SAMSN1: variants seen among roughly 807,000 people sequenced by gnomAD.
SAMSN1 encodes the protein SAM domain-containing protein SAMSN-1.
SAMSN1 carries 31 observed loss-of-function variants against 42.0 expected under a neutral mutation model. That is an observed-to-expected ratio of 0.74 (90% CI 0.55 to 1.00). The LOEUF (loss-of-function observed/expected upper bound fraction) is 1.00. Among genes scored for constraint, SAMSN1 ranks in the 50% least tolerant of loss-of-function variants. The pLI, the probability that SAMSN1 is intolerant of heterozygous loss-of-function variation, is 0.00. For synonymous variants in SAMSN1, 178 were observed against 151.9 expected, an observed-to-expected ratio of 1.17 and a Z score of -1.26; for missense variants, 464 against 439.4, an observed-to-expected ratio of 1.06 and a Z score of -0.50.
intron 2 of SAMSN1, among the ~76,000 whole-genome samples, chr21:14,556,665 T>C (rs767277462): frequency 3.9e-5 from 6 of 152,160 alleles, no homozygotes; most frequent in Admixed American, 6.6e-5. Flanking sequence ...GGTTTATACA[T>C]GAAGTGCAAA....
At chr21:14,523,398 T>C (rs1978624030) in intron 1 of SAMSN1, 1 of 152,224 alleles carries the variant, frequency 6.6e-6, no homozygotes, top group South Asian at 2.1e-4. Context: ...CTTCAGCCTG[T>C]GGTGAGAGGA....
chr21:14,507,027 A>G (rs752199978), intron 5 of SAMSN1, among the ~76,000 whole-genome samples: 5 of 152,198 alleles, frequency 3.3e-5, no homozygotes, highest in Non-Finnish European at 7.4e-5. Flanking sequence ...AAATAGGCAT[A>G]CAAGCGACAT....
upstream of SAMSN1, among the ~76,000 whole-genome samples, chr21:14,583,928 A>G (rs1173054231): frequency 6.6e-6 from 1 of 152,190 alleles, no homozygotes; most frequent in African/African-American, 2.4e-5. Context: ...AAAGCACACC[A>G]TACTTTTTGG....
rs112849246 is a variant in SAMSN1, at chr21:14,515,198, C to T, written c.279+1694G>A. On this transcript the variant is annotated intron_variant, in intron 3 of 7. Coordinates refer to ENST00000400566, the MANE Select transcript of SAMSN1 (RefSeq NM_022136.5). ...GCAACACAGAGGTCACTACTGACGG[C>T]GACAGCTATTTTAATGGAGTACTGG... Among the ~76,000 whole-genome samples the T allele has an allele frequency of 6.7e-3, 1,021 of 152,090 alleles. 5 individuals are homozygous for T. The highest frequency in any genetic ancestry group is 0.023 in the African/African-American group (962 of 41,458).
At chr21:14,491,186 A>C (rs1469059404) in intron 7 of SAMSN1, among the ~76,000 whole-genome samples, 2 of 152,196 alleles carry the variant, frequency 1.3e-5, no homozygotes. Context: ...ATTACCCCAA[A>C]ATATGCTGCT....
At chr21:14,586,421 G>A (rs1358960512), upstream of SAMSN1, among the ~76,000 whole-genome samples, 1 of 151,882 alleles carries the variant, frequency 6.6e-6, no homozygotes, top group Non-Finnish European at 1.5e-5. Flanking sequence ...AATTTTAAAT[G>A]TGTTCTAAGA....
intron 5 of SAMSN1, among the ~76,000 whole-genome samples, chr21:14,603,054 T>C (rs1982476318): frequency 6.6e-6 from 1 of 152,204 alleles, no homozygotes; most frequent in African/African-American, 2.4e-5. Context: ...AGAAAGTACC[T>C]AAATTTTAAA....
intron 3 of SAMSN1, among the ~76,000 whole-genome samples, chr21:14,613,572 G>T (rs893949408): frequency 1.3e-5 from 2 of 152,064 alleles, no homozygotes; most frequent in Non-Finnish European, 2.9e-5. Flanking sequence ...ACTCAAAATT[G>T]TGAGCAAAAA....
chr21:14,609,665 T>C, intron 4 of SAMSN1: 1 of 693,248 alleles, frequency 1.4e-6, no homozygotes, highest in Non-Finnish European at 2.7e-6. Context: ...GCACAGGATT[T>C]GCAACTTGGT....
At chr21:14,579,734 G>A (rs1272406537) in intron 2 of SAMSN1, among the ~76,000 whole-genome samples, 1 of 144,776 alleles carries the variant, frequency 6.9e-6, no homozygotes, top group East Asian at 2.0e-4. Context: ...CTCCCACCTT[G>A]GCCTCCCAAA....
chr21:14,523,731 T>A (rs896957735), intron 1 of SAMSN1, among the ~76,000 whole-genome samples: 2 of 152,170 alleles, frequency 1.3e-5, no homozygotes, highest in African/African-American at 2.4e-5. Context: ...AGGGTGCGAT[T>A]TCCACAATGG....
upstream of SAMSN1, among the ~76,000 whole-genome samples, chr21:14,587,181 C>T (rs1048568670): frequency 2.6e-5 from 4 of 152,162 alleles, no homozygotes; most frequent in Non-Finnish European, 4.4e-5. Context: ...CTTTACTTCA[C>T]CATCTTTTAT....
intron 5 of SAMSN1, among the ~76,000 whole-genome samples, chr21:14,608,890 G>A (rs117530667): frequency 0.027 from 4,094 of 152,082 alleles, 84 homozygotes; most frequent in Non-Finnish European, 0.04. Flanking sequence ...CTTTTGATAC[G>A]GTTTTTCATC....
intron 2 of SAMSN1, among the ~76,000 whole-genome samples, chr21:14,640,336 G>T (rs1983564374): frequency 6.6e-6 from 1 of 152,078 alleles, no homozygotes; most frequent in Non-Finnish European, 1.5e-5. Flanking sequence ...TAGAGATTTT[G>T]GGAGTAACTC....
At chr21:14,513,334 C>T (rs969497505) in intron 3 of SAMSN1, among the ~76,000 whole-genome samples, 3 of 152,174 alleles carry the variant, frequency 2.0e-5, no homozygotes, top group Non-Finnish European at 4.4e-5. Context: ...ATGATATACA[C>T]TCAGTTTGAT....
chr21:14,612,605 C>T (rs1053755204), intron 4 of SAMSN1: 6 of 533,644 alleles, frequency 1.1e-5, no homozygotes, highest in Non-Finnish European at 2.2e-5. Context: ...ACATGGAGAG[C>T]TGGAAGATGA....
At chr21:14,658,281 T>C (rs577652970) in intron 1 of SAMSN1, among the ~76,000 whole-genome samples, 1 of 151,738 alleles carries the variant, frequency 6.6e-6, no homozygotes, top group South Asian at 2.1e-4. Flanking sequence ...GCATTTACAG[T>C]GTGGTGCAAC....
intron 2 of SAMSN1, among the ~76,000 whole-genome samples, chr21:14,617,891 A>G (rs1982884589): frequency 1.3e-5 from 2 of 152,360 alleles, no homozygotes; most frequent in South Asian, 4.1e-4. Flanking sequence ...ACGCAAACAT[A>G]GTCTCCTGTA....
chr21:14,595,880 A>G (rs1001298029), intron 6 of SAMSN1, among the ~76,000 whole-genome samples: 1 of 152,190 alleles, frequency 6.6e-6, no homozygotes, highest in Non-Finnish European at 1.5e-5. Context: ...GACACAGTAT[A>G]TAAGAGTGCA....
Sources: allele counts gnomAD v4.1 joint callset (sites outside exome capture counted in the v4.1 genomes callset), GRCh38; gene constraint gnomAD v4.1.1; transcripts MANE v1.5; gene names NCBI Gene and HGNC (gene_info 2026-07-23, HGNC 2026-07-21).